The following RUNX3 variants were observed in gnomAD, a reference collection of about 807,000 sequenced individuals.
RUNX3 encodes the protein runt-related transcription factor 3.
RUNX3 carries 10 observed loss-of-function variants against 27.7 expected under a neutral mutation model. The ratio of observed to expected loss-of-function variants is 0.36; its 90% CI spans 0.22 to 0.61. The LOEUF (loss-of-function observed/expected upper bound fraction) is 0.61. Among genes scored for constraint, RUNX3 ranks in the 20% least tolerant of loss-of-function variants. RUNX3 has a pLI of 0.72. For missense variants in RUNX3, 469 were observed against 629.5 expected (o/e 0.75, Z 2.73); for synonymous variants, 270 against 269.2 (o/e 1.00, Z -0.03).
intron 2 of RUNX3, 90 bp from the exon 3 acceptor site, chr1:24,919,434 C>T: frequency 1.2e-6 from 1 of 824,538 alleles, no homozygotes; most frequent in Non-Finnish European, 2.0e-6. Flanking sequence ...CCTGGAAGCC[C>T]CTAACTGTCA....
chr1:24,907,219 C>T (rs1478886520), intron 4 of RUNX3, 40 bp downstream of exon 4: 8 of 1,591,894 alleles, frequency 5.0e-6, no homozygotes, highest in Admixed American at 3.4e-5. Flanking sequence ...GCCCTCCACC[C>T]CCACCTCACC....
Position 24,904,903 on chromosome 1 carries a change from C to G in RUNX3, c.704-2237G>C, listed in dbSNP as rs1395091282. ...GCAGCCCCAGGAAACCCGAGCTGCC[C>G]GGGGCACTGTCGAGTGGCCAATCCC... is the stretch of plus-strand genomic sequence containing the variant. On this transcript the variant is annotated intron_variant, in intron 4 of 4. Coordinates refer to ENST00000308873, the MANE Select transcript of RUNX3 (RefSeq NM_004350.3). This position sits in a 1 kb window ranked among gnomAD's most constrained non-coding sequence, Gnocchi z 5.7. Among the ~76,000 whole-genome samples the G allele has an allele frequency of 6.6e-6, 1 of 152,184 alleles. No individual in the cohort carries two copies. Among genetic ancestry groups the G allele is most frequent in the Non-Finnish European group, 1.5e-5 (1 of 68,024 alleles).
chr1:24,923,367 T>C lies in RUNX3; in HGVS notation c.440-4023A>G, dbSNP rs528563350. On this transcript the variant is annotated intron_variant, in intron 2 of 4. Transcript: ENST00000308873. The surrounding 1 kb of genome is among the most constrained non-coding windows in gnomAD (Gnocchi z 5.9). ...CTCAGCTACCCCGGCCCTGCCCAGCTCTCTCTCTGCCTGGCAGTGGCAAAC... is the reference window on the plus strand; with the variant it reads ...CTCAGCTACCCCGGCCCTGCCCAGCCCTCTCTCTGCCTGGCAGTGGCAAAC... Among the ~76,000 whole-genome samples, 15 of 152,130 alleles carry C rather than the reference T, an allele frequency of 9.9e-5. No homozygotes were observed. Among genetic ancestry groups the C allele is most frequent in the Admixed American group, 5.2e-4 (8 of 15,296 alleles).
intron 4 of RUNX3, among the ~76,000 whole-genome samples, chr1:24,905,359 T>G (rs1640644781): frequency 6.6e-6 from 1 of 152,234 alleles, no homozygotes; most frequent in Non-Finnish European, 1.5e-5. Flanking sequence ...CCTAGCCTGG[T>G]CCAGCTGACT....
chr1:24,929,617 G>A lies in RUNX3; in HGVS notation c.252C>T (p.Arg84=). 6.2e-7 allele frequency: 1 copy of A among 1,608,680 alleles called. No homozygotes were observed. The highest frequency in any genetic ancestry group is 8.5e-7 in the Non-Finnish European group (1 of 1,179,112). Residue 84 remains arginine (R), a synonymous_variant, in exon 1 of 5, where the codon CGC becomes CGT. Transcript: ENST00000308873. Reference sequence around the variant, plus strand: ...AGGCGACGGGCAGCGTCTTGTTGCAGCGCCAGTGCGAGGGCAGCACGGAGC... The same window carrying A: ...AGGCGACGGGCAGCGTCTTGTTGCAACGCCAGTGCGAGGGCAGCACGGAGC... ...FLCSVLPSHW[R]CNKTLPVAFK... is the part of the protein sequence containing the mutation.
At chr1:24,952,745 T>C (rs775874557) in intron 2 of RUNX3, among the ~76,000 whole-genome samples, 1 of 152,208 alleles carries the variant, frequency 6.6e-6, no homozygotes, top group Non-Finnish European at 1.5e-5. Context: ...CTAGCATCAA[T>C]GTCTCCATCA....
chr1:24,935,898 GC>G (rs1322917839), intron 2 of RUNX3, among the ~76,000 whole-genome samples: 1 of 151,818 alleles, frequency 6.6e-6, no homozygotes, highest in Non-Finnish European at 1.5e-5. Context: ...TCCTCTGTGG[GC>G]CTCAGAATCT....
At chr1:24,917,984 C>A (rs544319900) in intron 3 of RUNX3, among the ~76,000 whole-genome samples, 2 of 152,336 alleles carry the variant, frequency 1.3e-5, no homozygotes, top group African/African-American at 4.8e-5. Flanking sequence ...CAGGAGGGAA[C>A]CAGCAGGAGT....
In RUNX3 at chr1:24,902,565, G is replaced by A; in HGVS notation, c.805C>T (p.His269Tyr). The A allele has an allele frequency of 1.3e-6, 2 of 1,578,470 alleles. No individual in the cohort carries two copies. The highest frequency in any genetic ancestry group is 1.7e-6 in the Non-Finnish European group (2 of 1,156,070). Reference sequence around the variant, plus strand: ...GCAGCTGACATGGCCCCGGGATAATGCATCCTGGGGTCTGGGAAGCGGCTC... The same window carrying A: ...GCAGCTGACATGGCCCCGGGATAATACATCCTGGGGTCTGGGAAGCGGCTC... ...TESRFPDPRM[H>Y]YPGAMSAAFP... is the part of the protein sequence containing the mutation. The change falls in exon 5 of 5, where the codon CAT becomes TAT. Residue 269 changes from histidine to tyrosine, a missense_variant. Around this residue, in one of 3 missense-constraint regions of RUNX3, gnomAD observed 279 missense variants for 343.0 expected, o/e 0.81. Coordinates refer to ENST00000308873, the MANE Select transcript of RUNX3 (RefSeq NM_004350.3). This position sits in a 1 kb window ranked among gnomAD's most constrained non-coding sequence, Gnocchi z 9.2.
intron 2 of RUNX3, among the ~76,000 whole-genome samples, chr1:24,942,568 G>T (rs1285902046): frequency 6.6e-6 from 1 of 152,090 alleles, no homozygotes; most frequent in East Asian, 1.9e-4. Flanking sequence ...GGTTGAGAGG[G>T]ACCCAGGAAG....
chr1:24,960,195 A>G (rs1364572123), intron 2 of RUNX3, among the ~76,000 whole-genome samples: 1 of 152,308 alleles, frequency 6.6e-6, no homozygotes, highest in East Asian at 1.9e-4. Flanking sequence ...GGAGATCCTG[A>G]CCCAGTTTCC....
intron 2 of RUNX3, among the ~76,000 whole-genome samples, chr1:24,946,327 C>G (rs1038159582): frequency 9.2e-5 from 14 of 152,274 alleles, no homozygotes; most frequent in Admixed American, 2.6e-4. Context: ...GGGTGTTCAG[C>G]CTTCTGCTCT....
chr1:24,945,422 A>G (rs1025037229), intron 2 of RUNX3, among the ~76,000 whole-genome samples: 1 of 152,216 alleles, frequency 6.6e-6, no homozygotes, highest in African/African-American at 2.4e-5. Flanking sequence ...CAGAATGCCT[A>G]CAGGGTAAAG....
intron 2 of RUNX3, among the ~76,000 whole-genome samples, chr1:24,958,677 C>T (rs1422382976): frequency 6.6e-6 from 1 of 152,186 alleles, no homozygotes; most frequent in Non-Finnish European, 1.5e-5. Context: ...CTTCCCTCCA[C>T]CCCTCCCTTC....
chr1:24,931,864 T>C (rs997767866), upstream of RUNX3, among the ~76,000 whole-genome samples: 4 of 152,146 alleles, frequency 2.6e-5, no homozygotes, highest in Non-Finnish European at 5.9e-5. Flanking sequence ...TTACTGAACC[T>C]TTTAAGAGAG....
chr1:24,929,082 A>C, intron 1 of RUNX3: 1 of 458,598 alleles, frequency 2.2e-6, no homozygotes, highest in Non-Finnish European at 4.4e-6. Context: ...TCTGGAGAGC[A>C]GTGCCCCGAT....
At chr1:24,907,534 G>T in intron 3 of RUNX3, 117 bp from the exon 4 acceptor site, 1 of 1,025,092 alleles carries the variant, frequency 9.8e-7, no homozygotes, top group Non-Finnish European at 1.4e-6. Context: ...TCTGCTGGGA[G>T]AACCCTGAGG....
chr1:24,907,098 G>A (rs1640678488), intron 4 of RUNX3, among the ~76,000 whole-genome samples, 161 bp downstream of exon 4: 1 of 152,218 alleles, frequency 6.6e-6, no homozygotes. Flanking sequence ...AAGCCCACAG[G>A]AACCGTCTGC....
intron 2 of RUNX3, among the ~76,000 whole-genome samples, chr1:24,960,208 C>T (rs762935873): frequency 3.3e-5 from 5 of 152,222 alleles, no homozygotes; most frequent in African/African-American, 4.8e-5. Context: ...CAGTTTCCCC[C>T]GGGCTCCCAG....
Sources: gnomAD v4.1 joint callset for allele counts (sites outside exome capture counted in the v4.1 genomes callset) on GRCh38, gnomAD v4.1.1 for gene constraint, gnomAD v4.1.1 regional missense constraint, Gnocchi (gnomAD v3.1) non-coding constraint, MANE v1.5 for transcripts, NCBI Gene and HGNC (gene_info 2026-07-23, HGNC 2026-07-21) for gene names.